SALL4: variants seen among roughly 807,000 people sequenced by gnomAD.
The protein encoded by SALL4 is sal-like protein 4.
SALL4 carries 4 observed loss-of-function variants against 60.8 expected under a neutral mutation model. The observed-to-expected ratio is 0.07, with a 90% CI of 0.03 to 0.15. The LOEUF is 0.15. Ranked by LOEUF, SALL4 falls within the 10% of genes least tolerant of loss-of-function variation. SALL4 has a pLI of 1.00. For synonymous variants in SALL4, 580 were observed against 574.9 expected (o/e 1.01, Z -0.13); for missense variants, 1,178 against 1,394.7 (o/e 0.84, Z 2.48).
intron 1 of SALL4, among the ~76,000 whole-genome samples, chr20:51,800,486 C>G (rs1197614500): frequency 6.6e-6 from 1 of 152,332 alleles, no homozygotes; most frequent in South Asian, 2.1e-4. Flanking sequence ...CTCCAACCAT[C>G]GTTAATTTCA....
intron 3 of SALL4, 41 bp from the exon 4 acceptor site, chr20:51,784,725 T>C: frequency 6.2e-7 from 1 of 1,611,314 alleles, no homozygotes; most frequent in Non-Finnish European, 8.5e-7. Flanking sequence ...AAAATAGAGA[T>C]TTGAAGCTCA....
In SALL4 at chr20:51,790,717, G is replaced by C. The variant is rs1211150554; in HGVS notation, c.1766C>G (p.Thr589Ser). The C allele has an allele frequency of 7.4e-6, 12 of 1,614,172 alleles. No individual in the cohort carries two copies. Among genetic ancestry groups the C allele is most frequent in the Non-Finnish European group, 8.5e-6 (10 of 1,180,036 alleles). ...CTTACACTGGAACGGTCTCTCCCCG[G>C]TGTGGGTGCGATAATGCATCTTGAG... ...SSLKMHYRTHTGERPFQCKIC... is the reference protein window; with the variant it reads ...SSLKMHYRTHSGERPFQCKIC... Residue 589 changes from threonine (T) to serine (S), a missense_variant, in exon 2 of 4, where the codon ACC becomes AGC. Transcript: ENST00000217086. The surrounding 1 kb of genome is among the most constrained non-coding windows in gnomAD (Gnocchi z 5.5).
At chr20:51,784,998 T>C (rs1313442679) in intron 3 of SALL4, among the ~76,000 whole-genome samples, 1 of 152,190 alleles carries the variant, frequency 6.6e-6, no homozygotes, top group Non-Finnish European at 1.5e-5. Context: ...ATTTTATACA[T>C]GAGCACTGAA....
intron 1 of SALL4, among the ~76,000 whole-genome samples, chr20:51,796,340 A>T (rs1198075794): frequency 6.6e-6 from 1 of 152,156 alleles, no homozygotes; most frequent in African/African-American, 2.4e-5. Context: ...GCAAGAACAA[A>T]AACATACTTC....
At position 51,791,636 on chromosome 20, in the gene SALL4, C is replaced by T. The variant is rs2078043525; in HGVS notation, c.847G>A (p.Gly283Ser). The T allele has an allele frequency of 1.2e-6, 2 of 1,613,880 alleles. No homozygotes were observed. The highest frequency in any genetic ancestry group is 8.5e-7 in the Non-Finnish European group (1 of 1,180,054). ...TGTTTCAAGGCATCCAGAGACAGAC[C>T]TTGGCTTCCAGCTTTCTGGCTGAGC... Reference protein sequence around the residue: ...ALLSQKAGSQGLSLDALKQAK... With the variant: ...ALLSQKAGSQSLSLDALKQAK... Residue 283 changes from glycine to serine, a missense_variant, in exon 2 of 4, where the codon GGT (glycine) becomes AGT (serine). Physicochemically the swap from Gly to Ser is moderately conservative, Grantham distance 56. This residue lies in a region of SALL4 where 853 missense variants were observed against 1,036.8 expected (regional missense o/e 0.82). Coordinates refer to ENST00000217086, the MANE Select transcript of SALL4 (RefSeq NM_020436.5). The surrounding 1 kb of genome is among the most constrained non-coding windows in gnomAD (Gnocchi z 4.6).
chr20:51,792,219 C>T lies in SALL4; in HGVS notation c.264G>A (p.Leu88=), dbSNP rs1353604657. 1 of 1,614,062 alleles carries T rather than the reference C, an allele frequency of 6.2e-7. No homozygotes were observed. Among genetic ancestry groups the T allele is most frequent in the South Asian group, 1.1e-5 (1 of 91,080 alleles). Residue 88 remains leucine (L), a synonymous_variant, in exon 2 of 4, where the codon CTG becomes CTA. Coordinates refer to ENST00000217086, the MANE Select transcript of SALL4 (RefSeq NM_020436.5). ...TTTTAGTGCAATTTTTCTTATGTTC[C>T]AGGAACTCAGAGATGCTGAAGAACT... ...CAEFFSISEF[L]EHKKNCTKNP... is the part of the protein sequence containing the mutation.
intron 3 of SALL4, among the ~76,000 whole-genome samples, chr20:51,786,898 G>A (rs560743458): frequency 9.2e-5 from 14 of 151,780 alleles, no homozygotes; most frequent in African/African-American, 2.9e-4. Context: ...AGTTTGAGAC[G>A]AGCCTGGCCA....
In SALL4 at chr20:51,790,204, G is replaced by A. The variant is rs755503899; in HGVS notation, c.2279C>T (p.Thr760Ile). 5.0e-6 allele frequency: 8 copies of A among 1,614,100 alleles called. No homozygotes were observed. In the East Asian group the frequency reaches 1.8e-4, roughly 36 times the overall value. The change falls in exon 2 of 4, where the codon ACC becomes ATC. Residue 760 changes from threonine to isoleucine, a missense_variant. Physicochemically the swap from Thr to Ile is moderately conservative, Grantham distance 89. This residue lies in a region of SALL4 where 853 missense variants were observed against 1,036.8 expected (regional missense o/e 0.82). Transcript: ENST00000217086. This position sits in a 1 kb window ranked among gnomAD's most constrained non-coding sequence, Gnocchi z 5.5. ...TCCCATCAGCGAGGATGAGTCGTTG[G>A]TCAAGCCATCGCTCTCCACGGAACC... ...ENGSVESDGLTNDSSSLMGDQ... is the reference protein window; with the variant it reads ...ENGSVESDGLINDSSSLMGDQ...
chr20:51,786,513 T>C (rs997876934), intron 3 of SALL4, among the ~76,000 whole-genome samples: 10 of 152,232 alleles, frequency 6.6e-5, no homozygotes, highest in Admixed American at 1.3e-4. Context: ...ATTACAGGCA[T>C]GAGCCACTGC....
intron 1 of SALL4, among the ~76,000 whole-genome samples, chr20:51,800,096 C>A (rs2078100646): frequency 1.3e-5 from 2 of 152,156 alleles, no homozygotes; most frequent in Non-Finnish European, 2.9e-5. Flanking sequence ...GGAGGCTCTG[C>A]AAACACATTC....
intron 1 of SALL4, among the ~76,000 whole-genome samples, chr20:51,800,780 G>T (rs2122981774): frequency 6.7e-6 from 1 of 149,822 alleles, no homozygotes; most frequent in South Asian, 2.1e-4. Context: ...CAGGCGCCTG[G>T]GACCTCGGGT....
In SALL4 at chr20:51,791,038, G is replaced by C. The variant is rs1325164721; in HGVS notation, c.1445C>G (p.Ser482Cys). 1 of 1,614,184 alleles carries C rather than the reference G, an allele frequency of 6.2e-7. No homozygotes were observed. The highest frequency in any genetic ancestry group is 8.5e-7 in the Non-Finnish European group (1 of 1,180,026). Residue 482 changes from serine (S) to cysteine (C), a missense_variant, in exon 2 of 4, where the codon TCT becomes TGT. Physicochemically the swap from Ser to Cys is moderately radical, Grantham distance 112 (BLOSUM62 -1). Around this residue, in one of 5 missense-constraint regions of SALL4, gnomAD observed 853 missense variants for 1,036.8 expected, o/e 0.82. Transcript: ENST00000217086. The surrounding 1 kb of genome is among the most constrained non-coding windows in gnomAD (Gnocchi z 4.6). ...AGAAAGATTCTGAGGTAGCCCTACA[G>C]AGGTGGTTACAAGGACAGGTTTGCT... ...LDSKPVLVTTSVGLPQNLSSG... is the reference protein window; with the variant it reads ...LDSKPVLVTTCVGLPQNLSSG...
intron 3 of SALL4, 107 bp from the exon 4 acceptor site, chr20:51,784,791 A>G (rs1392144618): frequency 2.4e-6 from 3 of 1,267,366 alleles, no homozygotes; most frequent in Non-Finnish European, 3.4e-6. Flanking sequence ...GTGTTTTAAC[A>G]TATAGATGAT....
Position 51,791,915 on chromosome 20 carries a change from T to C in SALL4, c.568A>G (p.Lys190Glu). Reference protein sequence around the residue: ...NVTLQALRGTKVAVNQRSADA... With the variant: ...NVTLQALRGTEVAVNQRSADA... ...GCGCTCCGCTGATTCACCGCCACCT[T>C]GGTGCCCCGTAGTGCCTGCAAGGTC... The change falls in exon 2 of 4, where the codon AAG (lysine) becomes GAG (glutamate). Residue 190 changes from lysine to glutamate, a missense_variant. Lys to Glu is a moderately conservative substitution (Grantham distance 56, BLOSUM62 1). Around this residue, in one of 5 missense-constraint regions of SALL4, gnomAD observed 853 missense variants for 1,036.8 expected, o/e 0.82. Transcript: ENST00000217086. This position sits in a 1 kb window ranked among gnomAD's most constrained non-coding sequence, Gnocchi z 4.6. 1.2e-6 allele frequency: 2 copies of C among 1,614,220 alleles called. No homozygotes were observed. Among genetic ancestry groups the C allele is most frequent in the East Asian group, 2.2e-5 (1 of 44,872 alleles).
At position 51,782,654 on chromosome 20, in the gene SALL4, A is replaced by G. The variant is rs958242711; in HGVS notation, c.*1611T>C. ...ATCGTCTTGGATGCATATTTCCGTC[A>G]GGACCTTCCACATAGAGGGGAAAGA... On this transcript the variant is annotated 3_prime_UTR_variant, in exon 4 of 4. Coordinates refer to ENST00000217086, the MANE Select transcript of SALL4 (RefSeq NM_020436.5). 1.3e-5 allele frequency: 2 copies of G among 152,020 alleles called. No homozygotes were observed. The highest frequency in any genetic ancestry group is 4.8e-5 in the African/African-American group (2 of 41,390). 9.4% of individuals were successfully genotyped at this position (152,020 alleles called of 1,614,324 possible).
rs943080807 is a variant in SALL4, at chr20:51,801,926, G to T, written c.130+353C>A. Among the ~76,000 whole-genome samples, 1 of 151,696 alleles carries T rather than the reference G, an allele frequency of 6.6e-6. No individual in the cohort carries two copies. Reference sequence around the variant, plus strand: ...AGGGGGACCTAAGTTACAAGGGGGGGGGGTAACACCAGTGAGGGGAGTGGA... The same window carrying T: ...AGGGGGACCTAAGTTACAAGGGGGGTGGGTAACACCAGTGAGGGGAGTGGA... On this transcript the variant is annotated intron_variant, in intron 1 of 3. Coordinates refer to ENST00000217086, the MANE Select transcript of SALL4 (RefSeq NM_020436.5). This position sits in a 1 kb window ranked among gnomAD's most constrained non-coding sequence, Gnocchi z 5.2.
intron 3 of SALL4, among the ~76,000 whole-genome samples, chr20:51,785,651 CT>C (rs1247052974): frequency 1.0e-4 from 15 of 148,914 alleles, no homozygotes; most frequent in East Asian, 2.0e-4. Context: ...TTTTTGAGTC[CT>C]TTTTTTTTTG....
At chr20:51,796,993 ATT>A (rs2078083304) in intron 1 of SALL4, among the ~76,000 whole-genome samples, 1 of 152,122 alleles carries the variant, frequency 6.6e-6, no homozygotes, top group South Asian at 2.1e-4. Flanking sequence ...TAACACAGGC[ATT>A]TTTAAACAGG....
In SALL4 at chr20:51,792,168, G is replaced by A. The variant is rs2078050373; in HGVS notation, c.315C>T (p.Asp105=). 1 of 1,614,200 alleles carries A rather than the reference G, an allele frequency of 6.2e-7. No individual in the cohort carries two copies. Among genetic ancestry groups the A allele is most frequent in the Non-Finnish European group, 8.5e-7 (1 of 1,180,042 alleles). Reference sequence around the variant, plus strand: ...CTTCTGAAGGCACAGGCCCCTCGCTGTCATTCATGATGAGGACAGGTGGAT... The same window carrying A: ...CTTCTGAAGGCACAGGCCCCTCGCTATCATTCATGATGAGGACAGGTGGAT... ...TKNPPVLIMN[D]SEGPVPSEDF... is the part of the protein sequence containing the mutation. Residue 105 remains aspartate (D), a synonymous_variant, in exon 2 of 4, where the codon GAC becomes GAT. Transcript: ENST00000217086.
Sources: gnomAD v4.1 joint callset for allele counts (sites outside exome capture counted in the v4.1 genomes callset) on GRCh38, gnomAD v4.1.1 for gene constraint, gnomAD v4.1.1 regional missense constraint, Gnocchi (gnomAD v3.1) non-coding constraint, MANE v1.5 for transcripts, NCBI Gene and HGNC (gene_info 2026-07-23, HGNC 2026-07-21) for gene names.